SNX29: variants seen among roughly 807,000 people sequenced by gnomAD.
SNX29 encodes sorting nexin-29.
Under a neutral mutation model 102.1 loss-of-function variants are expected in SNX29, and 78 were observed. The ratio of observed to expected loss-of-function variants is 0.76; its 90% CI spans 0.64 to 0.92. SNX29 has a LOEUF of 0.92. Among genes scored for constraint, SNX29 ranks in the 40% least tolerant of loss-of-function variants. The pLI is 0.00. For synonymous variants in SNX29, 580 were observed against 414.5 expected, an observed-to-expected ratio of 1.40 and a Z score of -4.85; for missense variants, 1,280 against 1,061.7, an observed-to-expected ratio of 1.21 and a Z score of -2.86.
At chr16:12,273,207 C>T (rs2079143547) in intron 14 of SNX29, among the ~76,000 whole-genome samples, 1 of 152,138 alleles carries the variant, frequency 6.6e-6, no homozygotes, top group Non-Finnish European at 1.5e-5. Flanking sequence ...CCTACTCTAG[C>T]CAGAAGCCTG....
intron 13 of SNX29, among the ~76,000 whole-genome samples, chr16:12,169,358 A>G (rs933929033): frequency 2.6e-5 from 4 of 152,136 alleles, no homozygotes; most frequent in African/African-American, 9.7e-5. Context: ...GCCAAAATGT[A>G]GCTCTCGTGG....
At chr16:12,542,139 C>T (rs1400519519) in intron 20 of SNX29, among the ~76,000 whole-genome samples, 2 of 152,274 alleles carry the variant, frequency 1.3e-5, no homozygotes, top group East Asian at 1.9e-4. Flanking sequence ...TCCAATTCAG[C>T]CCACGCTACC....
At chr16:12,451,863 A>G (rs1433114866) in intron 18 of SNX29, among the ~76,000 whole-genome samples, 5 of 152,214 alleles carry the variant, frequency 3.3e-5, no homozygotes, top group African/African-American at 9.6e-5. Context: ...GACTTCATCT[A>G]AAAATAAATA....
intron 13 of SNX29, among the ~76,000 whole-genome samples, chr16:12,140,925 A>G (rs1270333300): frequency 6.6e-6 from 1 of 152,220 alleles, no homozygotes; most frequent in Non-Finnish European, 1.5e-5. Flanking sequence ...ACCTACTTAT[A>G]CAAGTAATTT....
intron 16 of SNX29, among the ~76,000 whole-genome samples, chr16:12,363,940 C>T (rs1459957949): frequency 2.0e-5 from 3 of 152,150 alleles, no homozygotes; most frequent in Non-Finnish European, 2.9e-5. Flanking sequence ...GAGATTGGAA[C>T]ATTTTGGATT....
intron 14 of SNX29, among the ~76,000 whole-genome samples, chr16:12,257,421 T>G (rs2142445466): frequency 1.3e-5 from 2 of 152,286 alleles, no homozygotes; most frequent in Non-Finnish European, 2.9e-5. Context: ...ATCTGCAAAG[T>G]CTCTTGCTAT....
chr16:12,353,016 A>G (rs1440923250), intron 15 of SNX29, among the ~76,000 whole-genome samples: 1 of 152,180 alleles, frequency 6.6e-6, no homozygotes, highest in African/African-American at 2.4e-5. Context: ...GCTGCCTGGC[A>G]TGTCCCAAGG....
chr16:12,554,708 G>A (rs564669395), intron 20 of SNX29, among the ~76,000 whole-genome samples: 19 of 152,316 alleles, frequency 1.2e-4, no homozygotes, highest in East Asian at 1.2e-3. Flanking sequence ...CATGCCTGGT[G>A]ACAGCTGTCT....
At chr16:12,400,319 GATT>G (rs2083890146) in intron 17 of SNX29, among the ~76,000 whole-genome samples, 1 of 152,104 alleles carries the variant, frequency 6.6e-6, no homozygotes, top group Non-Finnish European at 1.5e-5. Context: ...CTCCCTTTAG[GATT>G]ATTATTTTAC....
intron 4 of SNX29, among the ~76,000 whole-genome samples, chr16:12,030,762 G>T (rs1266159760): frequency 6.6e-6 from 1 of 152,188 alleles, no homozygotes; most frequent in Non-Finnish European, 1.5e-5. Context: ...TCCAGTGCGT[G>T]ATCTGGCTTC....
chr16:12,126,607 A>T, intron 11 of SNX29, 26 bp from the exon 12 acceptor site: 1 of 1,613,124 alleles, frequency 6.2e-7, no homozygotes, highest in Non-Finnish European at 8.5e-7. Flanking sequence ...CTGCCAATTA[A>T]TCTTGACTTT....
chr16:12,100,841 TGG>T (rs2141197449), intron 11 of SNX29, among the ~76,000 whole-genome samples: 1 of 148,918 alleles, frequency 6.7e-6, no homozygotes, highest in Admixed American at 6.7e-5. Context: ...CTGGGTGGAC[TGG>T]GGGACAGCAG....
At chr16:12,488,859 C>T (rs1443579941) in intron 19 of SNX29, among the ~76,000 whole-genome samples, 1 of 152,172 alleles carries the variant, frequency 6.6e-6, no homozygotes, top group Non-Finnish European at 1.5e-5. Context: ...GGCCAGCTTG[C>T]CCCACTTCAC....
rs376198885 is a variant in SNX29, at chr16:12,277,919, C to G, written c.1679-14C>G. The G allele has an allele frequency of 3.1e-6, 5 of 1,592,308 alleles. No individual in the cohort carries two copies. The highest frequency in any genetic ancestry group is 3.3e-4 in the Middle Eastern group (2 of 6,040). On this transcript the variant is annotated splice_polypyrimidine_tract_variant and intron_variant, in intron 14 of 20. Coordinates refer to ENST00000566228, the MANE Select transcript of SNX29 (RefSeq NM_032167.5). ...CTGTTGAAATATTTATGACATGTCT[C>G]TCTTTCTCTAAAGTGCCAAATCTTT...
In SNX29 at chr16:12,572,213, C is replaced by A. The variant is rs565660992; in HGVS notation, c.*3584C>A. 29 of 994,458 alleles carry A rather than the reference C, an allele frequency of 2.9e-5. No homozygotes were observed. The highest frequency in any genetic ancestry group is 3.4e-5 in the Non-Finnish European group (28 of 815,588). 61.6% of individuals were successfully genotyped at this position (994,458 alleles called of 1,614,324 possible). A position where few individuals can be genotyped will look rare whatever the true frequency, so the allele number is the denominator to read the frequency against. On this transcript the variant is annotated 3_prime_UTR_variant, in exon 21 of 21. Coordinates refer to ENST00000566228, the MANE Select transcript of SNX29 (RefSeq NM_032167.5). ...GGCAGGTAGTATTGTGCTTTAAAAA[C>A]CAGAGGCTCCTGAAAGTCGTTTACA... is the stretch of plus-strand genomic sequence containing the variant.
chr16:12,368,962 C>T (rs1210429964), intron 16 of SNX29, among the ~76,000 whole-genome samples: 1 of 152,154 alleles, frequency 6.6e-6, no homozygotes, highest in Non-Finnish European at 1.5e-5. Flanking sequence ...TCATGACCCA[C>T]ATTCATTATT....
chr16:12,472,526 A>C (rs1407959751), intron 18 of SNX29, among the ~76,000 whole-genome samples: 1 of 143,846 alleles, frequency 7.0e-6, no homozygotes, highest in South Asian at 2.2e-4. Flanking sequence ...CTCAAAAAAA[A>C]ACCAAAAAAA....
intron 9 of SNX29, among the ~76,000 whole-genome samples, chr16:12,064,072 T>G (rs2050907710): frequency 6.6e-6 from 1 of 152,126 alleles, no homozygotes; most frequent in Non-Finnish European, 1.5e-5. Flanking sequence ...CTGCTCACCT[T>G]GTCCCGTTCC....
intron 9 of SNX29, among the ~76,000 whole-genome samples, chr16:12,068,514 A>AAAG (rs2051141936): frequency 6.6e-6 from 1 of 151,670 alleles, no homozygotes; most frequent in Admixed American, 6.6e-5. Context: ...AAAAAAAAAA[A>AAAG]AAAAGTCACA....
Sources: gnomAD v4.1 joint callset for allele counts (sites outside exome capture counted in the v4.1 genomes callset) on GRCh38, gnomAD v4.1.1 for gene constraint, MANE v1.5 for transcripts, NCBI Gene and HGNC (gene_info 2026-07-23, HGNC 2026-07-21) for gene names.